HDAC4: variants seen among roughly 807,000 people sequenced by gnomAD.
HDAC4 encodes the protein histone deacetylase 4, also known as histone deacetylase A.
Under a neutral mutation model 135.1 loss-of-function variants are expected in HDAC4, and 16 were observed. The ratio of observed to expected loss-of-function variants is 0.12; its 90% CI spans 0.08 to 0.18. HDAC4 has a LOEUF of 0.18. Among genes scored for constraint, HDAC4 ranks in the 10% least tolerant of loss-of-function variants. HDAC4 has a pLI of 1.00. For missense variants in HDAC4, 1,143 were observed against 1,511.8 expected, an observed-to-expected ratio of 0.76 and a Z score of 4.05; for synonymous variants, 685 against 653.4, an observed-to-expected ratio of 1.05 and a Z score of -0.74.
intron 4 of HDAC4, among the ~76,000 whole-genome samples, chr2:239,177,628 T>A (rs2043857957): frequency 6.6e-6 from 1 of 152,148 alleles, no homozygotes; most frequent in Non-Finnish European, 1.5e-5. Flanking sequence ...ATATCTCATA[T>A]TTCAAAAACT....
chr2:239,072,558 G>A (rs1032708615), intron 22 of HDAC4, among the ~76,000 whole-genome samples: 4 of 152,172 alleles, frequency 2.6e-5, no homozygotes, highest in African/African-American at 7.2e-5. Context: ...CCCGATGGGC[G>A]CCTCCCTTCA....
chr2:239,159,355 CCACACCCACCT>C (rs1305675543), intron 6 of HDAC4, among the ~76,000 whole-genome samples: 2 of 150,540 alleles, frequency 1.3e-5, no homozygotes, highest in East Asian at 2.0e-4. Context: ...ATTCCACACC[CCACACCCACCT>C]CACACCCACA....
At chr2:239,312,695 T>C (rs2052942361) in intron 2 of HDAC4, among the ~76,000 whole-genome samples, 1 of 152,218 alleles carries the variant, frequency 6.6e-6, no homozygotes, top group Non-Finnish European at 1.5e-5. Context: ...TCTTCCAGCG[T>C]GTCCCATGGA....
At chr2:239,298,319 C>A in intron 2 of HDAC4, 1 of 1,235,962 alleles carries the variant, frequency 8.1e-7, no homozygotes, top group Non-Finnish European at 1.0e-6. Context: ...AGCCCCTGGG[C>A]ATCACGTGGA....
chr2:239,056,409 C>T lies in HDAC4; in HGVS notation c.3004-1576G>A, dbSNP rs537193269. 4.5e-4 allele frequency among the ~76,000 whole-genome samples: 68 copies of T among 152,290 alleles called. No homozygotes were observed. The Middle Eastern group carries it at 0.017, about 38-fold the overall frequency. The stretch of plus-strand genomic sequence containing the variant: ...ACCTCGTGGTGCTGGGAAATCAGGA[C>T]GTGCCTGAAGGTCAAGGGACGGGGC... On this transcript the variant is annotated intron_variant, in intron 24 of 26. Transcript: ENST00000543185.
In HDAC4 at chr2:239,115,782, G is replaced by A. The variant is rs1308276657; in HGVS notation, c.1534-472C>T. On this transcript the variant is annotated intron_variant, in intron 12 of 26. Transcript: ENST00000543185. This position sits in a 1 kb window ranked among gnomAD's most constrained non-coding sequence, Gnocchi z 6.3. ...GCTCACTGCCCAATCCCACCAACAC[G>A]CCACGGCCTCCCCTCCTGCAGGATC... 6.6e-6 allele frequency among the ~76,000 whole-genome samples: 1 copy of A among 152,020 alleles called. No homozygotes were observed. The highest frequency in any genetic ancestry group is 2.4e-5 in the African/African-American group (1 of 41,404).
At chr2:239,127,043 G>A (rs1455075388) in intron 11 of HDAC4, among the ~76,000 whole-genome samples, 2 of 152,074 alleles carry the variant, frequency 1.3e-5, no homozygotes, top group Non-Finnish European at 2.9e-5. Flanking sequence ...CCCTAGAAAA[G>A]TGGGTTTTGG....
chr2:239,116,291 A>G (rs1440518039), intron 12 of HDAC4, among the ~76,000 whole-genome samples: 1 of 152,288 alleles, frequency 6.6e-6, no homozygotes, highest in African/African-American at 2.4e-5. Flanking sequence ...TAGAGTGCCC[A>G]TGAGCCCCAG....
At chr2:239,145,081 C>T (rs151322487) in intron 7 of HDAC4, among the ~76,000 whole-genome samples, 27 of 152,132 alleles carry the variant, frequency 1.8e-4, no homozygotes, top group African/African-American at 5.1e-4. Flanking sequence ...CACTTAATGG[C>T]GATGTCTCGT....
intron 1 of HDAC4, among the ~76,000 whole-genome samples, chr2:239,354,056 T>C (rs1448301588): frequency 1.3e-5 from 2 of 152,336 alleles, no homozygotes; most frequent in East Asian, 1.9e-4. Context: ...ATTTAAAAAG[T>C]CATCCATGAT....
chr2:239,371,777 G>T (rs1694640247), intron 1 of HDAC4, among the ~76,000 whole-genome samples: 3 of 152,196 alleles, frequency 2.0e-5, no homozygotes, highest in Non-Finnish European at 4.4e-5. Context: ...TTTACCTGTG[G>T]TCCCTCAAAG....
At position 239,214,151 on chromosome 2, in the gene HDAC4, G is replaced by A. The variant is rs115977642; in HGVS notation, c.94+22442C>T. 5.9e-3 allele frequency among the ~76,000 whole-genome samples: 893 copies of A among 152,320 alleles called. 2 individuals are homozygous for A. Among genetic ancestry groups the A allele is most frequent in the African/African-American group, 0.02 (833 of 41,566 alleles). On this transcript the variant is annotated intron_variant, in intron 3 of 26. Coordinates refer to ENST00000543185, the MANE Select transcript of HDAC4 (RefSeq NM_001378414.1). ...CTGACATGGGGTTTACGGAGCGAAA[G>A]TCAGAAAGCCAGCAGGGCTGTGCTT...
At chr2:239,108,254 C>T in intron 14 of HDAC4, 71 bp from the exon 15 acceptor site, 1 of 1,542,618 alleles carries the variant, frequency 6.5e-7, no homozygotes. Context: ...GGCAGGCTGC[C>T]CCCGGGTGGT....
At chr2:239,305,310 T>C (rs1207466227) in intron 2 of HDAC4, among the ~76,000 whole-genome samples, 1 of 152,226 alleles carries the variant, frequency 6.6e-6, no homozygotes, top group East Asian at 1.9e-4. Context: ...GGGAGTCTGC[T>C]TGGCACACCT....
At chr2:239,242,683 G>T (rs544727121) in intron 2 of HDAC4, among the ~76,000 whole-genome samples, 3 of 152,110 alleles carry the variant, frequency 2.0e-5, no homozygotes, top group Admixed American at 6.5e-5. Context: ...AAGAGAAATG[G>T]TGATAAAAGA....
At chr2:239,202,324 T>G (rs2045804304) in intron 3 of HDAC4, among the ~76,000 whole-genome samples, 1 of 152,156 alleles carries the variant, frequency 6.6e-6, no homozygotes, top group Non-Finnish European at 1.5e-5. Context: ...GACACTCAGA[T>G]AGAAAGACCT....
intron 1 of HDAC4, among the ~76,000 whole-genome samples, chr2:239,389,533 A>G (rs1405014464): frequency 6.6e-6 from 1 of 152,118 alleles, no homozygotes; most frequent in Non-Finnish European, 1.5e-5. Flanking sequence ...CAGTGGGACC[A>G]AGAACCCACT....
At chr2:239,278,163 T>G (rs2050494856) in intron 2 of HDAC4, among the ~76,000 whole-genome samples, 1 of 131,764 alleles carries the variant, frequency 7.6e-6, no homozygotes, top group South Asian at 2.3e-4. Context: ...AGTTTTCAAA[T>G]TATCCCACCA....
At chr2:239,196,969 C>A (rs566540349) in intron 3 of HDAC4, among the ~76,000 whole-genome samples, 2 of 152,318 alleles carry the variant, frequency 1.3e-5, no homozygotes, top group South Asian at 2.1e-4. Flanking sequence ...CCCGGGCAGG[C>A]GCTCCCTCTG....
Sources: gnomAD v4.1 joint callset for allele counts (sites outside exome capture counted in the v4.1 genomes callset) on GRCh38, gnomAD v4.1.1 for gene constraint, Gnocchi (gnomAD v3.1) non-coding constraint, MANE v1.5 for transcripts, NCBI Gene and HGNC (gene_info 2026-07-23, HGNC 2026-07-21) for gene names.